KCNJ16: variants seen among roughly 807,000 people sequenced by gnomAD.
KCNJ16 encodes the protein potassium inwardly rectifying channel subfamily J member 16.
A neutral mutation model predicts 18.5 loss-of-function variants in KCNJ16; 15 were observed. That is an observed-to-expected ratio of 0.81 (90% CI 0.54 to 1.25). The LOEUF is 1.25. KCNJ16 is among the 50% of genes most tolerant of loss of function. The pLI, the probability that KCNJ16 is intolerant of heterozygous loss-of-function variation, is 0.00. For missense variants in KCNJ16, 523 were observed against 525.7 expected (o/e 0.99, Z 0.05); for synonymous variants, 174 against 186.5 (o/e 0.93, Z 0.55).
intron 1 of KCNJ16, among the ~76,000 whole-genome samples, chr17:70,092,320 A>AT (rs2072125315): frequency 6.6e-6 from 1 of 152,176 alleles, no homozygotes; most frequent in Admixed American, 6.6e-5. Context: ...ACATTTTAAG[A>AT]TTTTTATCAC....
intron 2 of KCNJ16, among the ~76,000 whole-genome samples, chr17:70,117,329 T>C (rs1256944019): frequency 1.3e-5 from 2 of 151,930 alleles, no homozygotes; most frequent in Non-Finnish European, 2.9e-5. Flanking sequence ...GCTTCAAGGT[T>C]TGGAAAACTA....
rs188101563 is a variant in KCNJ16 at position 70,134,351 on chromosome 17, T to A, written c.*1007T>A. The A allele has an allele frequency of 1.2e-5, 2 of 167,198 alleles. No individual in the cohort carries two copies. Among genetic ancestry groups the A allele is most frequent in the East Asian group, 3.8e-4 (2 of 5,196 alleles). The allele number at this position is 167,198 out of a possible 1,614,324, so 10.4% of individuals were successfully genotyped here. Reference sequence around the variant, plus strand: ...ATTTATTTGTGCCCAGAAGCAGTTATGTATGCTTCTTGTCTTGGTTACTGT... The same window carrying A: ...ATTTATTTGTGCCCAGAAGCAGTTAAGTATGCTTCTTGTCTTGGTTACTGT... On this transcript the variant is annotated 3_prime_UTR_variant, in exon 4 of 4. Transcript: ENST00000392671.
intron 2 of KCNJ16, among the ~76,000 whole-genome samples, chr17:70,118,190 A>T (rs1157358348): frequency 6.8e-6 from 1 of 147,522 alleles, no homozygotes; most frequent in Non-Finnish European, 1.5e-5. Context: ...TAGGTGATTT[A>T]AACCTGTTTT....
chr17:70,077,315 G>C (rs1199158459), intron 1 of KCNJ16, among the ~76,000 whole-genome samples: 1 of 152,024 alleles, frequency 6.6e-6, no homozygotes, highest in Non-Finnish European at 1.5e-5. Flanking sequence ...TAAGTGGAGA[G>C]ACAGTGAGGA....
intron 1 of KCNJ16, among the ~76,000 whole-genome samples, chr17:70,094,768 T>C (rs114804756): frequency 0.025 from 3,836 of 152,232 alleles, 132 homozygotes; most frequent in African/African-American, 0.079. Flanking sequence ...TGAAAGTAAA[T>C]TGCACTGTAG....
chr17:70,091,671 A>G (rs1423038859), intron 1 of KCNJ16, among the ~76,000 whole-genome samples: 6 of 152,136 alleles, frequency 3.9e-5, no homozygotes, highest in Admixed American at 2.6e-4. Flanking sequence ...TGCAGAATAT[A>G]GTTTTCTGCT....
chr17:70,121,327 G>A (rs1226495639), intron 2 of KCNJ16, among the ~76,000 whole-genome samples: 1 of 152,164 alleles, frequency 6.6e-6, no homozygotes. Flanking sequence ...GGAACAATAT[G>A]TAGCCGCAGA....
intron 1 of KCNJ16, among the ~76,000 whole-genome samples, chr17:70,084,826 CTAA>C (rs745941247): frequency 2.2e-4 from 34 of 151,948 alleles, no homozygotes; most frequent in African/African-American, 5.8e-4. Context: ...TCCTTGATCA[CTAA>C]TAATAATAAT....
chr17:70,078,768 T>G (rs1029566429), intron 1 of KCNJ16, among the ~76,000 whole-genome samples: 3 of 152,140 alleles, frequency 2.0e-5, no homozygotes, highest in African/African-American at 7.2e-5. Flanking sequence ...CATGCAATGG[T>G]CCAGCACCAT....
At chr17:70,092,566 T>G (rs201820764) in intron 1 of KCNJ16, among the ~76,000 whole-genome samples, 21 of 102,600 alleles carry the variant, frequency 2.0e-4, no homozygotes, top group Non-Finnish European at 2.5e-4. Flanking sequence ...AGATGATAGA[T>G]ATAGATAGAT....
chr17:70,096,487 T>C (rs2072380260), intron 1 of KCNJ16, among the ~76,000 whole-genome samples: 1 of 152,210 alleles, frequency 6.6e-6, no homozygotes, highest in Non-Finnish European at 1.5e-5. Flanking sequence ...AAAATTTTTA[T>C]AGTAACATTA....
chr17:70,094,012 G>GAA (rs1208537836), intron 1 of KCNJ16, among the ~76,000 whole-genome samples: 2 of 152,036 alleles, frequency 1.3e-5, no homozygotes, highest in Non-Finnish European at 2.9e-5. Context: ...TAGGAAAGGT[G>GAA]AAAGACATGA....
intron 1 of KCNJ16, among the ~76,000 whole-genome samples, chr17:70,095,870 CTTTTTTTTTTTTTTT>C (rs147216245): frequency 3.1e-5 from 3 of 95,390 alleles, no homozygotes; most frequent in South Asian, 3.7e-4. Flanking sequence ...TTACTTAATC[CTTTTTTTTTTTTTTT>C]TTTTTTTTTT....
rs1014795065 is a variant in KCNJ16, at chr17:70,088,894, C to G, written c.-299-11764C>G. 3.9e-5 allele frequency among the ~76,000 whole-genome samples: 6 copies of G among 151,982 alleles called. 2 individuals are homozygous for G. The East Asian group carries it at 1.2e-3, about 29-fold the overall frequency. On this transcript the variant is annotated intron_variant, in intron 1 of 3. Coordinates refer to ENST00000392671, the MANE Select transcript of KCNJ16 (RefSeq NM_170741.4). The stretch of plus-strand genomic sequence containing the variant: ...CTTAAAATATGTAGATCTAATATGG[C>G]TTGGTAATATAAAAGTCCTCAGTTT...
At chr17:70,129,002 CG>C (rs1487751021) in intron 2 of KCNJ16, 12 of 152,402 alleles carry the variant, frequency 7.9e-5, no homozygotes, top group Admixed American at 5.9e-4. Flanking sequence ...ACGTGTCTTC[CG>C]GGCAGCCCTC....
intron 1 of KCNJ16, among the ~76,000 whole-genome samples, chr17:70,089,707 T>C (rs1041666158): frequency 6.6e-6 from 1 of 152,214 alleles, no homozygotes; most frequent in Non-Finnish European, 1.5e-5. Context: ...CAACCGCAAG[T>C]GACATTTTTT....
At position 70,103,185 on chromosome 17, in the gene KCNJ16, T is replaced by G. The variant is rs562192827; in HGVS notation, c.-191+2419T>G. Among the ~76,000 whole-genome samples, 25 of 145,358 alleles carry G rather than the reference T, an allele frequency of 1.7e-4. No individual in the cohort carries two copies. The East Asian group carries it at 4.7e-3, about 27-fold the overall frequency. ...TATTTAATATATATTTATGTGTATA[T>G]AAATATATATGTGTATATATATTTT... On this transcript the variant is annotated intron_variant, in intron 2 of 3. Transcript: ENST00000392671.
rs182752948 is a variant in KCNJ16, at chr17:70,132,150, G to A, written c.63G>A (p.Pro21=). 1,537 of 1,614,148 alleles carry A rather than the reference G, an allele frequency of 9.5e-4. 24 individuals carry two copies. In the South Asian group the frequency reaches 0.016, roughly 16 times the overall value. The change falls in exon 4 of 4, where the codon CCG becomes CCA. Residue 21 remains proline (P), a synonymous_variant. Coordinates refer to ENST00000392671, the MANE Select transcript of KCNJ16 (RefSeq NM_170741.4). ...INADAKYPGY[P]PEHIIAEKRR... ...CGGACGCAAAATACCCAGGCTACCC[G>A]CCAGAGCACATTATAGCTGAGAAGA...
chr17:70,127,396 T>C (rs2073891405), intron 2 of KCNJ16, among the ~76,000 whole-genome samples: 1 of 151,834 alleles, frequency 6.6e-6, no homozygotes, highest in African/African-American at 2.4e-5. Flanking sequence ...TCTGAATGTC[T>C]TAGGAGGATT....
Sources: allele counts gnomAD v4.1 joint callset (sites outside exome capture counted in the v4.1 genomes callset), GRCh38; gene constraint gnomAD v4.1.1; transcripts MANE v1.5; gene names NCBI Gene and HGNC (gene_info 2026-07-23, HGNC 2026-07-21).